Variants in GMCL1 observed in about 807,000 individuals in gnomAD.
The protein encoded by GMCL1 is germ cell-less 1, spermatogenesis associated.
In GMCL1, 54 loss-of-function variants were observed where a neutral mutation model predicts 75.5. The observed-to-expected ratio is 0.71, with a 90% CI of 0.57 to 0.90. The LOEUF (loss-of-function observed/expected upper bound fraction) is 0.90. Ranked by LOEUF, GMCL1 falls within the 40% of genes least tolerant of loss-of-function variation. The pLI is 0.00. For missense variants in GMCL1, 537 were observed against 622.7 expected (o/e 0.86, Z 1.47); for synonymous variants, 210 against 209.6 (o/e 1.00, Z -0.02).
chr2:69,878,114 G>T (rs1472008210), intron 13 of GMCL1, among the ~76,000 whole-genome samples: 1 of 152,194 alleles, frequency 6.6e-6, no homozygotes. Context: ...TATTTGTGTA[G>T]TGTCAGCTCC....
intron 1 of GMCL1, among the ~76,000 whole-genome samples, 154 bp downstream of exon 1, chr2:69,830,306 C>T (rs1230101158): frequency 2.0e-5 from 3 of 152,216 alleles, no homozygotes; most frequent in African/African-American, 7.2e-5. Flanking sequence ...CGGCCCGATG[C>T]GGGGCGGACT....
intron 11 of GMCL1, among the ~76,000 whole-genome samples, chr2:69,868,631 T>C (rs1675887975): frequency 6.6e-6 from 1 of 150,980 alleles, no homozygotes; most frequent in African/African-American, 2.4e-5. Flanking sequence ...CAGGCTGTTT[T>C]TGAACCTCAG....
In GMCL1 at chr2:69,879,055, A is replaced by C; in HGVS notation, c.*51A>C. 1 of 1,197,822 alleles carries C rather than the reference A, an allele frequency of 8.3e-7. No homozygotes were observed. The highest frequency in any genetic ancestry group is 1.3e-5 in the South Asian group (1 of 79,806). 74.2% of individuals were successfully genotyped at this position (1,197,822 alleles called of 1,614,324 possible). A position where few individuals can be genotyped will look rare whatever the true frequency, so the allele number is the denominator to read the frequency against. On this transcript the variant is annotated 3_prime_UTR_variant, in exon 14 of 14. Transcript: ENST00000282570. ...GAAAACTGAAGATTTCATCAGTTGGAAACAGTAGCACTTTGAAAACTTTTT... is the reference window on the plus strand; with the variant it reads ...GAAAACTGAAGATTTCATCAGTTGGCAACAGTAGCACTTTGAAAACTTTTT...
At chr2:69,857,642 C>T (rs1444130212) in intron 9 of GMCL1, among the ~76,000 whole-genome samples, 2 of 152,136 alleles carry the variant, frequency 1.3e-5, no homozygotes, top group African/African-American at 4.8e-5. Flanking sequence ...TTGAACCAGG[C>T]TTCTCCATAA....
intron 13 of GMCL1, among the ~76,000 whole-genome samples, chr2:69,875,841 C>T (rs1676115073): frequency 6.6e-6 from 1 of 150,478 alleles, no homozygotes. Context: ...ATTATAGGCA[C>T]ATGCCACCAC....
At chr2:69,830,769 T>C (rs10198414) in intron 1 of GMCL1, among the ~76,000 whole-genome samples, 2 of 144,738 alleles carry the variant, frequency 1.4e-5, no homozygotes, top group Admixed American at 7.7e-5. Context: ...ACCCCTTTTT[T>C]TTTTTTTTTT....
chr2:69,863,447 C>G (rs13017134), intron 10 of GMCL1, among the ~76,000 whole-genome samples: 79,286 of 151,910 alleles, frequency 0.52, 21,288 homozygotes, highest in East Asian at 0.67. Context: ...TCCCTCTGGG[C>G]TTCTCCTCAT....
chr2:69,850,624 C>T (rs1675291505), intron 8 of GMCL1, among the ~76,000 whole-genome samples: 1 of 152,042 alleles, frequency 6.6e-6, no homozygotes, highest in Non-Finnish European at 1.5e-5. Flanking sequence ...CATGTTTATT[C>T]TTTTGCTTTA....
At chr2:69,849,598 C>A in intron 7 of GMCL1, 54 bp from the exon 8 acceptor site, 1 of 1,170,594 alleles carries the variant, frequency 8.5e-7, no homozygotes, top group South Asian at 1.5e-5. Flanking sequence ...AATGTAAAAT[C>A]ATAAAATGAT....
In GMCL1 at chr2:69,844,163, C is replaced by G; in HGVS notation, c.725C>G (p.Thr242Ser). 6.4e-7 allele frequency: 1 copy of G among 1,573,830 alleles called. No individual in the cohort carries two copies. Among genetic ancestry groups the G allele is most frequent in the Non-Finnish European group, 8.6e-7 (1 of 1,158,892 alleles). Reference sequence around the variant, plus strand: ...GAATGGCTTCTAAACAATTTGATGACTCACCAGAATGTTGAACTTTTTAAA... The same window carrying G: ...GAATGGCTTCTAAACAATTTGATGAGTCACCAGAATGTTGAACTTTTTAAA... ...CLEWLLNNLM[T>S]HQNVELFKEL... Residue 242 changes from threonine (T) to serine (S), a missense_variant, in exon 6 of 14, where the codon ACT becomes AGT. Thr to Ser is a moderately conservative substitution (Grantham distance 58). Transcript: ENST00000282570.
In GMCL1 at chr2:69,838,559, T is replaced by G. The variant is rs989078786; in HGVS notation, c.384+889T>G. On this transcript the variant is annotated intron_variant, in intron 2 of 13. Transcript: ENST00000282570. ...TGGTAAGACAGCATAGTATAAAATT[T>G]TTCAGTAAAAGTATTTGAAAATGAA... is the stretch of plus-strand genomic sequence containing the variant. 2.6e-5 allele frequency among the ~76,000 whole-genome samples: 4 copies of G among 152,162 alleles called. No homozygotes were observed. In the South Asian group the frequency reaches 8.3e-4, roughly 31 times the overall value.
At chr2:69,836,371 G>A (rs1010939120) in intron 1 of GMCL1, among the ~76,000 whole-genome samples, 1 of 152,180 alleles carries the variant, frequency 6.6e-6, no homozygotes, top group Non-Finnish European at 1.5e-5. Context: ...GGAGGGATGG[G>A]AAGCCAACAT....
intron 13 of GMCL1, among the ~76,000 whole-genome samples, chr2:69,874,743 C>CT (rs35583745): frequency 1.7e-3 from 242 of 139,964 alleles, no homozygotes; most frequent in Middle Eastern, 7.5e-3. Context: ...ATAGTTTTTA[C>CT]TTTTTTTTTT....
In GMCL1 at chr2:69,851,466, C is replaced by T. The variant is rs556209104; in HGVS notation, c.934+1724C>T. 5.5e-4 allele frequency among the ~76,000 whole-genome samples: 84 copies of T among 152,084 alleles called. No homozygotes were observed. The Middle Eastern group carries it at 0.014, about 25-fold the overall frequency. ...CTCTACTAAAAATACAAAAATTAGC[C>T]GGGTATGGTGGTGGTCGCCTATAAT... On this transcript the variant is annotated intron_variant, in intron 8 of 13. Coordinates refer to ENST00000282570, the MANE Select transcript of GMCL1 (RefSeq NM_178439.5).
intron 13 of GMCL1, among the ~76,000 whole-genome samples, 168 bp downstream of exon 13, chr2:69,872,000 T>C (rs1675995782): frequency 1.3e-5 from 2 of 152,156 alleles, no homozygotes; most frequent in African/African-American, 2.4e-5. Flanking sequence ...TTATGCATAA[T>C]TGACCCCATC....
At chr2:69,866,938 C>G (rs1313451955) in intron 11 of GMCL1, among the ~76,000 whole-genome samples, 1 of 149,520 alleles carries the variant, frequency 6.7e-6, no homozygotes, top group Non-Finnish European at 1.5e-5. Flanking sequence ...CACTGCCTTT[C>G]TTTTCTTTTC....
intron 11 of GMCL1, among the ~76,000 whole-genome samples, chr2:69,866,379 A>G (rs990575314): frequency 6.6e-6 from 1 of 152,170 alleles, no homozygotes; most frequent in Non-Finnish European, 1.5e-5. Context: ...AATCAACCTT[A>G]TATAGATACC....
At chr2:69,839,899 A>G (rs1374584693) in intron 3 of GMCL1, among the ~76,000 whole-genome samples, 2 of 152,032 alleles carry the variant, frequency 1.3e-5, no homozygotes, top group Non-Finnish European at 2.9e-5. Context: ...ATGTATGAAG[A>G]TGTTTTCTGG....
chr2:69,841,739 G>A (rs1171951132), intron 4 of GMCL1, among the ~76,000 whole-genome samples: 8 of 152,186 alleles, frequency 5.3e-5, no homozygotes, highest in African/African-American at 1.9e-4. Context: ...GTTCATCCTG[G>A]TGGTGTCACA....
Sources: allele counts gnomAD v4.1 joint callset (sites outside exome capture counted in the v4.1 genomes callset), GRCh38; gene constraint gnomAD v4.1.1; transcripts MANE v1.5; gene names NCBI Gene and HGNC (gene_info 2026-07-23, HGNC 2026-07-21).